Variants in CCDC171 observed in about 807,000 individuals in gnomAD.
CCDC171 encodes coiled-coil domain containing 171.
CCDC171 carries 177 observed loss-of-function variants against 168.2 expected under a neutral mutation model. The ratio of observed to expected loss-of-function variants is 1.05; its 90% CI spans 0.93 to 1.19. CCDC171 has a LOEUF of 1.19. CCDC171 is among the 50% of genes most tolerant of loss of function. CCDC171 has a pLI of 0.00. For synonymous variants in CCDC171, 687 were observed against 540.8 expected, an observed-to-expected ratio of 1.27 and a Z score of -3.75; for missense variants, 1,991 against 1,539.0, an observed-to-expected ratio of 1.29 and a Z score of -4.91.
At chr9:15,975,255 A>C (rs574509475), downstream of CCDC171, among the ~76,000 whole-genome samples, 2 of 152,336 alleles carry the variant, frequency 1.3e-5, no homozygotes, top group African/African-American at 4.8e-5. Context: ...GCTTTTGGCT[A>C]CCAAAGATCA....
chr9:15,990,847 A>C (rs181226132), intron 3 of CCDC171, among the ~76,000 whole-genome samples: 1 of 152,228 alleles, frequency 6.6e-6, no homozygotes, highest in African/African-American at 2.4e-5. Context: ...ACATAATGGT[A>C]AAGGGATCAA....
intron 21 of CCDC171, among the ~76,000 whole-genome samples, chr9:15,844,711 C>T (rs1308175587): frequency 6.6e-6 from 1 of 151,842 alleles, no homozygotes; most frequent in East Asian, 1.9e-4. Context: ...TGTCGTTGCC[C>T]CTGAGACATG....
At chr9:16,038,857 C>G (rs1180509030), upstream of CCDC171, among the ~76,000 whole-genome samples, 1 of 118,632 alleles carries the variant, frequency 8.4e-6, no homozygotes, top group African/African-American at 3.0e-5. Context: ...AGAAAAAGAC[C>G]TATCAGGCCA....
At chr9:15,642,347 A>G (rs977837650) in intron 7 of CCDC171, among the ~76,000 whole-genome samples, 2,698 of 27,518 alleles carry the variant, frequency 0.098, 31 homozygotes, top group East Asian at 0.3. Flanking sequence ...GTGTGTGTAT[A>G]TATATATATA....
At chr9:15,837,688 A>C (rs775173421) in intron 21 of CCDC171, among the ~76,000 whole-genome samples, 1 of 152,180 alleles carries the variant, frequency 6.6e-6, no homozygotes, top group Non-Finnish European at 1.5e-5. Flanking sequence ...GTGAGCCTTC[A>C]TCTTTGTTTT....
downstream of CCDC171, among the ~76,000 whole-genome samples, chr9:16,064,558 G>A (rs1316268548): frequency 6.6e-6 from 1 of 152,154 alleles, no homozygotes; most frequent in African/African-American, 2.4e-5. Context: ...TCTTTTTAGG[G>A]CCTGTCAAGA....
downstream of CCDC171, among the ~76,000 whole-genome samples, chr9:16,063,869 G>A (rs190854625): frequency 6.0e-3 from 918 of 152,358 alleles, 3 homozygotes; most frequent in South Asian, 8.7e-3. Flanking sequence ...AATTCTAGCA[G>A]AGCAAGGGAC....
chr9:15,678,897 G>A lies in CCDC171; in HGVS notation c.1215+1G>A, dbSNP rs780162778. 3 of 1,575,474 alleles carry A rather than the reference G, an allele frequency of 1.9e-6. No individual in the cohort carries two copies. In the African/African-American group the frequency reaches 4.1e-5, roughly 22 times the overall value. On this transcript the variant is annotated splice_donor_variant, in intron 10 of 25. Transcript: ENST00000380701. LOFTEE classifies it high-confidence loss of function. ...TGAATTACAGGAAGAACTAGTAATG[G>A]TAAGGATAAAAAAGAAAACCCTATG...
At chr9:15,942,957 A>T (rs1320457175) in intron 25 of CCDC171, among the ~76,000 whole-genome samples, 1 of 152,020 alleles carries the variant, frequency 6.6e-6, no homozygotes, top group Non-Finnish European at 1.5e-5. Context: ...AGCCCACCTG[A>T]GAATAGCTCT....
intron 25 of CCDC171, among the ~76,000 whole-genome samples, chr9:15,937,909 A>G (rs1827285812): frequency 1.3e-5 from 2 of 152,046 alleles, no homozygotes; most frequent in African/African-American, 4.8e-5. Context: ...TAATACATAG[A>G]TAATTAATTG....
intron 6 of CCDC171, among the ~76,000 whole-genome samples, chr9:16,025,769 G>A (rs1167082643): frequency 2.0e-5 from 3 of 152,192 alleles, no homozygotes; most frequent in Admixed American, 6.5e-5. Context: ...AAGCAGATCA[G>A]TGGTTGCTGA....
At chr9:15,741,400 T>A (rs74852272) in intron 16 of CCDC171, among the ~76,000 whole-genome samples, 1,900 of 152,350 alleles carry the variant, frequency 0.012, 48 homozygotes, top group African/African-American at 0.042. Context: ...TGGCCTTTTG[T>A]GTCTGGTTTC....
At chr9:15,662,286 TC>T (rs917121788) in intron 8 of CCDC171, among the ~76,000 whole-genome samples, 9 of 126,636 alleles carry the variant, frequency 7.1e-5, no homozygotes, top group African/African-American at 1.5e-4. Flanking sequence ...CCATCCCCCC[TC>T]CCCCCCAAAA....
chr9:15,603,273 G>C (rs2042993421), intron 6 of CCDC171, among the ~76,000 whole-genome samples: 1 of 152,060 alleles, frequency 6.6e-6, no homozygotes, highest in Admixed American at 6.6e-5. Context: ...TAAGTTTTTG[G>C]GTACATATGC....
chr9:15,995,409 A>G (rs750933389), intron 3 of CCDC171, among the ~76,000 whole-genome samples: 2 of 152,214 alleles, frequency 1.3e-5, no homozygotes, highest in Non-Finnish European at 2.9e-5. Context: ...TTGTTAGCGT[A>G]ATAATGGACT....
rs527592822 is a variant in CCDC171, at chr9:15,778,643, C to CAAAAAAAAAAAAAA, written c.2899-316_2899-303dup. Among the ~76,000 whole-genome samples the CAAAAAAAAAAAAAA allele has an allele frequency of 2.7e-4, 16 of 58,784 alleles. 2 individuals are homozygous for CAAAAAAAAAAAAAA. The highest frequency in any genetic ancestry group is 7.3e-4 in the African/African-American group (11 of 14,990). 38.6% of individuals were successfully genotyped at this position (58,784 alleles called of 152,430 possible). On this transcript the variant is annotated intron_variant, in intron 19 of 25. Transcript: ENST00000380701. ...CCTGGCCTACAGAGTAAGACTGTCT[C>CAAAAAAAAAAAAAA]AAAAAAAAAAAAAAAAAAAAAAGGC...
chr9:15,637,746 T>G (rs2046311521), intron 7 of CCDC171, among the ~76,000 whole-genome samples: 1 of 151,824 alleles, frequency 6.6e-6, no homozygotes, highest in African/African-American at 2.4e-5. Context: ...TGCGATAGTT[T>G]ACTGAGAATG....
chr9:15,587,949 A>G (rs1467536641), intron 4 of CCDC171, among the ~76,000 whole-genome samples: 1 of 152,188 alleles, frequency 6.6e-6, no homozygotes, highest in East Asian at 1.9e-4. Context: ...GAAATTAAAA[A>G]TATGAGGCCA....
intron 21 of CCDC171, among the ~76,000 whole-genome samples, chr9:15,821,197 A>G (rs2059756622): frequency 8.5e-6 from 1 of 117,712 alleles, no homozygotes; most frequent in African/African-American, 3.2e-5. Context: ...CAAAATAATA[A>G]GAGCTATCTA....
Sources: allele counts gnomAD v4.1 joint callset (sites outside exome capture counted in the v4.1 genomes callset), GRCh38; gene constraint gnomAD v4.1.1; transcripts MANE v1.5; gene names NCBI Gene and HGNC (gene_info 2026-07-23, HGNC 2026-07-21).